CNTNAP2: variants seen among roughly 807,000 people sequenced by gnomAD.
The protein encoded by CNTNAP2 is contactin-associated protein-like 2.
CNTNAP2 carries 98 observed loss-of-function variants against 155.2 expected under a neutral mutation model. The ratio of observed to expected loss-of-function variants is 0.63; its 90% confidence interval spans 0.54 to 0.75. CNTNAP2 has a LOEUF of 0.75. Ranked by LOEUF, CNTNAP2 falls within the 30% of genes least tolerant of loss-of-function variation. The probability of loss-of-function intolerance (pLI) is 0.00; values close to 1 mark genes in which losing one functional copy is unlikely to be tolerated. For missense variants in CNTNAP2, 1,727 were observed against 1,688.1 expected (o/e 1.02, Z -0.40); for synonymous variants, 651 against 631.2 (o/e 1.03, Z -0.47).
chr7:148,008,207 C>CAAAA (rs34226824), intron 15 of CNTNAP2, among the ~76,000 whole-genome samples: 7 of 142,628 alleles, frequency 4.9e-5, no homozygotes, highest in African/African-American at 1.8e-4. Context: ...ACTAAAAATA[C>CAAAA]AAAAAAAAAA....
intron 15 of CNTNAP2, among the ~76,000 whole-genome samples, chr7:148,079,974 G>A (rs528209965): frequency 6.6e-6 from 1 of 152,244 alleles, no homozygotes; most frequent in Non-Finnish European, 1.5e-5. Flanking sequence ...CTTATGATGT[G>A]GAGGCAGAAG....
intron 3 of CNTNAP2, among the ~76,000 whole-genome samples, chr7:146,994,577 GTTTGT>G (rs1179367903): frequency 2.6e-5 from 4 of 151,962 alleles, no homozygotes; most frequent in African/African-American, 9.7e-5. Flanking sequence ...AGCAATTTGG[GTTTGT>G]TTTATTTTAT....
intron 18 of CNTNAP2, chr7:148,190,269 A>C (rs1795183675): frequency 6.6e-6 from 1 of 152,308 alleles, no homozygotes; most frequent in Non-Finnish European, 1.5e-5. Context: ...GCACTAGGTT[A>C]CGTGGATCGG....
intron 1 of CNTNAP2, among the ~76,000 whole-genome samples, chr7:146,750,937 G>A (rs1047810453): frequency 3.4e-4 from 52 of 152,182 alleles, no homozygotes; most frequent in African/African-American, 1.2e-3. Context: ...ATTAACAGGC[G>A]ATATGATTCA....
intron 12 of CNTNAP2, among the ~76,000 whole-genome samples, chr7:147,566,036 T>C (rs951165021): frequency 6.6e-6 from 1 of 151,106 alleles, no homozygotes; most frequent in African/African-American, 2.4e-5. Flanking sequence ...ATCCCAGCAC[T>C]TTGGGAGGCC....
intron 10 of CNTNAP2, among the ~76,000 whole-genome samples, chr7:147,465,209 T>C (rs1243697759): frequency 1.3e-5 from 2 of 152,052 alleles, no homozygotes; most frequent in Non-Finnish European, 1.5e-5. Flanking sequence ...TACGGAAAAC[T>C]TTATTTATTA....
intron 13 of CNTNAP2, among the ~76,000 whole-genome samples, chr7:147,887,051 T>A (rs1799613707): frequency 6.6e-6 from 1 of 152,240 alleles, no homozygotes; most frequent in South Asian, 2.1e-4. Context: ...TTCCTTTATG[T>A]CACATTGTAT....
At chr7:146,956,038 T>C (rs1797428215) in intron 3 of CNTNAP2, among the ~76,000 whole-genome samples, 1 of 152,012 alleles carries the variant, frequency 6.6e-6, no homozygotes, top group Non-Finnish European at 1.5e-5. Context: ...AGTTTTTATA[T>C]TCAATCCTAG....
At chr7:146,464,099 G>T (rs1183330241) in intron 1 of CNTNAP2, among the ~76,000 whole-genome samples, 2 of 150,130 alleles carry the variant, frequency 1.3e-5, no homozygotes, top group South Asian at 2.1e-4. Flanking sequence ...AAAACAAAGC[G>T]TTCATTTTTT....
chr7:147,814,056 C>T (rs1055561994), intron 13 of CNTNAP2, among the ~76,000 whole-genome samples: 3 of 152,060 alleles, frequency 2.0e-5, no homozygotes, highest in Non-Finnish European at 2.9e-5. Context: ...ATTTCTGATT[C>T]ACTTTTCTTT....
intron 4 of CNTNAP2, among the ~76,000 whole-genome samples, chr7:147,089,445 C>T (rs1373427245): frequency 3.3e-5 from 5 of 152,318 alleles, no homozygotes; most frequent in South Asian, 2.1e-4. Context: ...GTTTTTCTCA[C>T]ATATGTCTAA....
At chr7:147,525,341 A>G (rs1799299633) in intron 11 of CNTNAP2, among the ~76,000 whole-genome samples, 1 of 152,200 alleles carries the variant, frequency 6.6e-6, no homozygotes, top group Non-Finnish European at 1.5e-5. Flanking sequence ...GAGAAATGCA[A>G]ACCAACTCTC....
At chr7:146,605,955 A>G (rs570011669) in intron 1 of CNTNAP2, among the ~76,000 whole-genome samples, 1 of 152,300 alleles carries the variant, frequency 6.6e-6, no homozygotes, top group Non-Finnish European at 1.5e-5. Flanking sequence ...GACTTGAGAA[A>G]AGTAAAACAT....
intron 12 of CNTNAP2, among the ~76,000 whole-genome samples, chr7:147,613,581 T>C (rs190312283): frequency 6.6e-6 from 1 of 152,286 alleles, no homozygotes; most frequent in African/African-American, 2.4e-5. Context: ...CTCATGTCTA[T>C]AATCCCAGCA....
chr7:147,453,116 C>T (rs906171884), intron 10 of CNTNAP2, among the ~76,000 whole-genome samples: 1 of 152,066 alleles, frequency 6.6e-6, no homozygotes, highest in Non-Finnish European at 1.5e-5. Context: ...CTCTTTTTCC[C>T]TTTCTCCTGC....
At chr7:147,893,738 A>C (rs1204341611) in intron 13 of CNTNAP2, among the ~76,000 whole-genome samples, 1 of 152,008 alleles carries the variant, frequency 6.6e-6, no homozygotes, top group Non-Finnish European at 1.5e-5. Context: ...CCACGGCTTC[A>C]CCTCCCCCAC....
intron 8 of CNTNAP2, among the ~76,000 whole-genome samples, chr7:147,197,047 C>T (rs1584786477): frequency 6.6e-6 from 1 of 152,122 alleles, no homozygotes; most frequent in African/African-American, 2.4e-5. Flanking sequence ...CTGGAGGATA[C>T]GCCCTTTGCA....
intron 3 of CNTNAP2, among the ~76,000 whole-genome samples, chr7:146,929,524 C>A (rs1011624849): frequency 1.3e-5 from 2 of 152,166 alleles, no homozygotes; most frequent in African/African-American, 4.8e-5. Flanking sequence ...CTCTGAAAAG[C>A]AGAGCGCCTC....
rs535860911 is a variant in CNTNAP2 at position 146,638,069 on chromosome 7, A to G, written c.98-136202A>G. 2.0e-5 allele frequency among the ~76,000 whole-genome samples: 3 copies of G among 152,306 alleles called. No homozygotes were observed. The East Asian group carries it at 5.8e-4, about 29-fold the overall frequency. On this transcript the variant is annotated intron_variant, in intron 1 of 23. Transcript: ENST00000361727. ...GTAGGCAGGTTCTATGACAATTCAAATCAGTTCTAGTGATAAATCAAACCT... is the reference window on the plus strand; with the variant it reads ...GTAGGCAGGTTCTATGACAATTCAAGTCAGTTCTAGTGATAAATCAAACCT...
Sources: allele counts gnomAD v4.1 joint callset (sites outside exome capture counted in the v4.1 genomes callset), GRCh38; gene constraint gnomAD v4.1.1; transcripts MANE v1.5; gene names NCBI Gene and HGNC (gene_info 2026-07-23, HGNC 2026-07-21).